GNB1: variants seen among roughly 807,000 people sequenced by gnomAD.
GNB1 encodes the protein guanine nucleotide-binding protein G(I)/G(S)/G(T) subunit beta-1.
A neutral mutation model predicts 42.9 loss-of-function variants in GNB1; 2 were observed. The ratio of observed to expected loss-of-function variants is 0.05; its 90% CI spans 0.02 to 0.15. The LOEUF is 0.15. Among genes scored for constraint, GNB1 ranks in the 10% least tolerant of loss-of-function variants. GNB1 has a pLI of 1.00. For synonymous variants in GNB1, 183 were observed against 174.7 expected (o/e 1.05, Z -0.38); for missense variants, 193 against 462.2 (o/e 0.42, Z 5.34).
chr1:1,819,436 G>A (rs559507519), intron 3 of GNB1, among the ~76,000 whole-genome samples: 9 of 152,168 alleles, frequency 5.9e-5, no homozygotes, highest in Admixed American at 5.2e-4. Context: ...GGCCAGGCTG[G>A]TCTAGAACTC....
intron 5 of GNB1, among the ~76,000 whole-genome samples, chr1:1,807,270 T>C (rs1176519529): frequency 1.3e-5 from 2 of 151,816 alleles, no homozygotes; most frequent in Non-Finnish European, 2.9e-5. Context: ...CATGGCCTCA[T>C]GCTAGCATGG....
chr1:1,869,172 C>G (rs1403214600), intron 1 of GNB1, among the ~76,000 whole-genome samples: 4 of 87,312 alleles, frequency 4.6e-5, no homozygotes, highest in Non-Finnish European at 6.0e-5. Flanking sequence ...GGCAACAGAG[C>G]AAGACACCTT....
At chr1:1,802,730 C>T (rs1205571268) in intron 7 of GNB1, among the ~76,000 whole-genome samples, 1 of 148,166 alleles carries the variant, frequency 6.7e-6, no homozygotes, top group East Asian at 2.0e-4. Context: ...CACCACTGTA[C>T]TACAGCCTGG....
In GNB1 at chr1:1,790,609, C is replaced by T. The variant is rs76013166; in HGVS notation, c.498-13G>A. Reference sequence around the variant, plus strand: ...GTCCCACAGGGCACTGGAGCAGGAGCGAATGACAAGGGGACATCAGCCTTA... The same window carrying T: ...GTCCCACAGGGCACTGGAGCAGGAGTGAATGACAAGGGGACATCAGCCTTA... On this transcript the variant is annotated splice_polypyrimidine_tract_variant and intron_variant, in intron 8 of 11. Coordinates refer to ENST00000378609, the MANE Select transcript of GNB1 (RefSeq NM_002074.5). This position sits in a 1 kb window ranked among gnomAD's most constrained non-coding sequence, Gnocchi z 5.4. 3,974 of 1,600,148 alleles carry T rather than the reference C, an allele frequency of 2.5e-3. 66 individuals are homozygous for T. The African/African-American group carries it at 0.045, about 18-fold the overall frequency.
chr1:1,890,171 G>A (rs908414427), intron 1 of GNB1, among the ~76,000 whole-genome samples: 3 of 152,150 alleles, frequency 2.0e-5, no homozygotes, highest in African/African-American at 2.4e-5. Flanking sequence ...AGAAGGGCGA[G>A]GCCACAGCGC....
At chr1:1,833,282 T>C (rs1269560288) in intron 2 of GNB1, among the ~76,000 whole-genome samples, 3 of 152,106 alleles carry the variant, frequency 2.0e-5, no homozygotes, top group South Asian at 4.1e-4. Context: ...AGAGAGGAGT[T>C]TGCATGAGGA....
chr1:1,837,865 T>A (rs913419178), intron 2 of GNB1, among the ~76,000 whole-genome samples: 21 of 151,550 alleles, frequency 1.4e-4, no homozygotes, highest in Admixed American at 4.6e-4. Flanking sequence ...CTGGCCTGAG[T>A]TAATTTCTGT....
intron 7 of GNB1, among the ~76,000 whole-genome samples, chr1:1,802,018 C>T (rs1002824436): frequency 2.0e-5 from 3 of 152,052 alleles, no homozygotes; most frequent in Non-Finnish European, 4.4e-5. Flanking sequence ...CAATTAATCA[C>T]AAAGAGACAA....
intron 1 of GNB1, among the ~76,000 whole-genome samples, chr1:1,873,109 A>G (rs778707233): frequency 9.3e-5 from 14 of 150,320 alleles, no homozygotes; most frequent in African/African-American, 2.9e-4. Context: ...TATGTTGTCC[A>G]GGCTGGTTTC....
In GNB1 at chr1:1,815,677, G is replaced by A; in HGVS notation, c.203+79C>T. The A allele has an allele frequency of 2.6e-6, 2 of 767,868 alleles. 1 individual carries two copies. Among genetic ancestry groups the A allele is most frequent in the South Asian group, 3.0e-5 (2 of 66,226 alleles). 47.6% of individuals were successfully genotyped at this position (767,868 alleles called of 1,614,324 possible). ...TCTTCACTGCACAGCACAGCAAATGGGTTCAGGTACTTTTCCCCTAGGACA... is the reference window on the plus strand; with the variant it reads ...TCTTCACTGCACAGCACAGCAAATGAGTTCAGGTACTTTTCCCCTAGGACA... On this transcript the variant is annotated intron_variant, in intron 5 of 11. Transcript: ENST00000378609.
chr1:1,865,664 G>T (rs1251741796), intron 1 of GNB1, among the ~76,000 whole-genome samples: 1 of 152,170 alleles, frequency 6.6e-6, no homozygotes, highest in Non-Finnish European at 1.5e-5. Context: ...GATACAGCAA[G>T]AAACATGACT....
In GNB1 at chr1:1,824,742, T is replaced by C. The variant is rs192321994; in HGVS notation, c.57+655A>G. On this transcript the variant is annotated intron_variant, in intron 3 of 11. Coordinates refer to ENST00000378609, the MANE Select transcript of GNB1 (RefSeq NM_002074.5). Reference sequence around the variant, plus strand: ...CACACACCACCACACCCAGCTAATTTTTATATTTTTTGTAGAGATGGGGGT... The same window carrying C: ...CACACACCACCACACCCAGCTAATTCTTATATTTTTTGTAGAGATGGGGGT... Among the ~76,000 whole-genome samples the C allele has an allele frequency of 5.9e-3, 901 of 152,030 alleles. 2 individuals are homozygous for C. The highest frequency in any genetic ancestry group is 0.01 in the Non-Finnish European group (702 of 67,978).
At chr1:1,839,340 G>T (rs1029130257) in intron 1 of GNB1, 102 bp from the exon 2 acceptor site, 1 of 152,086 alleles carries the variant, frequency 6.6e-6, no homozygotes, top group East Asian at 1.9e-4. Flanking sequence ...ACATAAATTT[G>T]ACCCTTCCCT....
chr1:1,800,769 AAAG>A (rs1314170257), intron 7 of GNB1, among the ~76,000 whole-genome samples: 1 of 151,888 alleles, frequency 6.6e-6, no homozygotes, highest in Non-Finnish European at 1.5e-5. Flanking sequence ...AAAAAAAAAA[AAAG>A]AAAAATAAAT....
intron 1 of GNB1, among the ~76,000 whole-genome samples, chr1:1,856,423 C>A (rs916211405): frequency 6.6e-6 from 1 of 151,844 alleles, no homozygotes; most frequent in Admixed American, 6.6e-5. Context: ...TGCACTGGCC[C>A]GGAATTTCTT....
intron 1 of GNB1, among the ~76,000 whole-genome samples, chr1:1,840,055 C>A (rs541095873): frequency 4.0e-4 from 59 of 147,518 alleles, no homozygotes; most frequent in Middle Eastern, 3.5e-3. Context: ...AAAAAAAAAA[C>A]GTTTCTACTA....
chr1:1,848,665 A>C (rs1396909599), intron 1 of GNB1, among the ~76,000 whole-genome samples: 1 of 152,218 alleles, frequency 6.6e-6, no homozygotes, highest in African/African-American at 2.4e-5. Context: ...ATAAAACATA[A>C]AAACTGTCTT....
intron 5 of GNB1, among the ~76,000 whole-genome samples, chr1:1,810,535 C>CAAAA (rs1213355902): frequency 4.1e-5 from 3 of 73,092 alleles, no homozygotes; most frequent in South Asian, 4.8e-4. Context: ...GACCCAGTCT[C>CAAAA]AAAAAAAAAA....
At chr1:1,794,025 T>A (rs1329376553) in intron 7 of GNB1, 1 of 152,112 alleles carries the variant, frequency 6.6e-6, no homozygotes, top group Admixed American at 6.6e-5. Context: ...TGTGGGTGGG[T>A]TTGTTTTCTT....
Sources: gnomAD v4.1 joint callset for allele counts (sites outside exome capture counted in the v4.1 genomes callset) on GRCh38, gnomAD v4.1.1 for gene constraint, Gnocchi (gnomAD v3.1) non-coding constraint, MANE v1.5 for transcripts, NCBI Gene and HGNC (gene_info 2026-07-23, HGNC 2026-07-21) for gene names.